The following TRPC4 variants were observed in gnomAD, a reference collection of about 807,000 sequenced individuals.
TRPC4 encodes the protein short transient receptor potential channel 4.
In TRPC4, 49 loss-of-function variants were observed where a neutral mutation model predicts 99.4. The ratio of observed to expected loss-of-function variants is 0.49; its 90% CI spans 0.39 to 0.63. TRPC4 has a LOEUF of 0.63. TRPC4 is among the 20% of genes least tolerant of loss of function. The pLI is 0.00. For missense variants in TRPC4, 898 were observed against 1,152.9 expected (o/e 0.78, Z 3.20); for synonymous variants, 454 against 425.9 (o/e 1.07, Z -0.81).
chr13:37,709,291 T>C (rs995660997), intron 3 of TRPC4, among the ~76,000 whole-genome samples: 1 of 152,004 alleles, frequency 6.6e-6, no homozygotes, highest in African/African-American at 2.4e-5. Context: ...CAGATTTCTG[T>C]TCAATACCTG....
intron 1 of TRPC4, among the ~76,000 whole-genome samples, chr13:37,844,958 G>A (rs1312255451): frequency 6.6e-6 from 1 of 152,162 alleles, no homozygotes; most frequent in Admixed American, 6.6e-5. Flanking sequence ...ACCCAGCCAT[G>A]GAAGACAACC....
chr13:37,678,670 A>G (rs73186523), intron 4 of TRPC4, among the ~76,000 whole-genome samples: 13,370 of 152,168 alleles, frequency 0.088, 811 homozygotes, highest in Middle Eastern at 0.19. Context: ...GCATTCACCC[A>G]AACATTTCAA....
At chr13:37,805,085 C>A (rs17056691) in intron 1 of TRPC4, among the ~76,000 whole-genome samples, 3,397 of 151,982 alleles carry the variant, frequency 0.022, 114 homozygotes, top group African/African-American at 0.078. Flanking sequence ...ACACATTGAC[C>A]TCTTTCTTTA....
chr13:37,840,117 A>T lies in TRPC4; in HGVS notation c.-28+29478T>A, dbSNP rs146885824. 3.9e-3 allele frequency among the ~76,000 whole-genome samples: 588 copies of T among 152,260 alleles called. 1 individual carries two copies. Among genetic ancestry groups the T allele is most frequent in the Admixed American group, 5.8e-3 (88 of 15,284 alleles). On this transcript the variant is annotated intron_variant, in intron 1 of 10. Coordinates refer to ENST00000379705, the MANE Select transcript of TRPC4 (RefSeq NM_016179.4). ...GTCAGTGGAAACTCCAGGAAGATAT[A>T]TCAAATTGAATATAATAGAGGTTGA...
chr13:37,674,768 T>C (rs939883793), intron 4 of TRPC4, among the ~76,000 whole-genome samples: 1 of 152,212 alleles, frequency 6.6e-6, no homozygotes, highest in Non-Finnish European at 1.5e-5. Context: ...TATCTAGCAA[T>C]CATAACTGGT....
intron 8 of TRPC4, among the ~76,000 whole-genome samples, chr13:37,642,763 A>C (rs575850450): frequency 1.3e-3 from 188 of 143,784 alleles, no homozygotes; most frequent in Middle Eastern, 3.8e-3. Context: ...TTGAGATAGA[A>C]TCTCACTCTG....
intron 7 of TRPC4, among the ~76,000 whole-genome samples, chr13:37,653,601 G>T (rs1306966734): frequency 6.6e-6 from 1 of 152,072 alleles, no homozygotes; most frequent in African/African-American, 2.4e-5. Flanking sequence ...TGACTCTTTG[G>T]TTCTCCATAG....
chr13:37,716,740 T>C (rs1954681046), intron 3 of TRPC4, among the ~76,000 whole-genome samples: 1 of 152,140 alleles, frequency 6.6e-6, no homozygotes, highest in African/African-American at 2.4e-5. Flanking sequence ...CTCTCTCTAC[T>C]CAAGGGCTAT....
intron 1 of TRPC4, among the ~76,000 whole-genome samples, chr13:37,805,162 T>C (rs1189601632): frequency 6.6e-6 from 1 of 152,040 alleles, no homozygotes; most frequent in Non-Finnish European, 1.5e-5. Context: ...TGAAAATGTT[T>C]TATACTATTT....
At chr13:37,744,610 G>A (rs1955685386) in intron 3 of TRPC4, among the ~76,000 whole-genome samples, 1 of 152,168 alleles carries the variant, frequency 6.6e-6, no homozygotes, top group Non-Finnish European at 1.5e-5. Context: ...TGAACCTTGA[G>A]TATTTAGTGA....
Position 37,634,331 on chromosome 13 carries a change from C to T in TRPC4, c.*2572G>A, listed in dbSNP as rs1406990678. Among the ~76,000 whole-genome samples, 3 of 152,010 alleles carry T rather than the reference C, an allele frequency of 2.0e-5. No homozygotes were observed. The highest frequency in any genetic ancestry group is 2.4e-5 in the African/African-American group (1 of 41,412). On this transcript the variant is annotated 3_prime_UTR_variant, in exon 11 of 11. Transcript: ENST00000379705. Reference sequence around the variant, plus strand: ...TCATTAATGCTACATAATGTCACTACGTATTTAGAATAGCATTCAATTCTA... The same window carrying T: ...TCATTAATGCTACATAATGTCACTATGTATTTAGAATAGCATTCAATTCTA...
At chr13:37,682,071 A>G (rs1026412119) in intron 4 of TRPC4, among the ~76,000 whole-genome samples, 1 of 152,194 alleles carries the variant, frequency 6.6e-6, no homozygotes, top group African/African-American at 2.4e-5. Context: ...AACAGCACCA[A>G]TTACATGTGA....
chr13:37,640,980 A>G (rs1951698109), intron 8 of TRPC4, among the ~76,000 whole-genome samples: 1 of 152,158 alleles, frequency 6.6e-6, no homozygotes, highest in Admixed American at 6.5e-5. Flanking sequence ...CTAAAATCCA[A>G]TGAGGAAATT....
chr13:37,687,942 T>C (rs919097607), intron 4 of TRPC4, among the ~76,000 whole-genome samples: 2 of 152,242 alleles, frequency 1.3e-5, no homozygotes, highest in African/African-American at 4.8e-5. Flanking sequence ...TGGAATTTAC[T>C]CATCTATTGA....
intron 1 of TRPC4, among the ~76,000 whole-genome samples, chr13:37,836,388 T>G (rs953594290): frequency 1.3e-5 from 2 of 152,116 alleles, no homozygotes; most frequent in Non-Finnish European, 2.9e-5. Flanking sequence ...CAGGAAAATA[T>G]GGGAAAGTTT....
chr13:37,677,707 T>C (rs1016760114), intron 4 of TRPC4, among the ~76,000 whole-genome samples: 1 of 152,130 alleles, frequency 6.6e-6, no homozygotes, highest in African/African-American at 2.4e-5. Context: ...AGTAGAATTA[T>C]AAGTGGAGGT....
chr13:37,854,507 G>A (rs1028544455), intron 1 of TRPC4, among the ~76,000 whole-genome samples: 1 of 152,062 alleles, frequency 6.6e-6, no homozygotes, highest in Admixed American at 6.5e-5. Flanking sequence ...ACTGGTAATA[G>A]TAAGCACACA....
intron 3 of TRPC4, among the ~76,000 whole-genome samples, chr13:37,710,407 C>A (rs1954441976): frequency 6.6e-6 from 1 of 151,766 alleles, no homozygotes; most frequent in Non-Finnish European, 1.5e-5. Context: ...GGTTGCTACT[C>A]CTTCCTTTTA....
intron 2 of TRPC4, among the ~76,000 whole-genome samples, chr13:37,762,990 G>T (rs1273727906): frequency 6.6e-6 from 1 of 151,396 alleles, no homozygotes; most frequent in Non-Finnish European, 1.5e-5. Context: ...CCTTTATAAG[G>T]TTTCATTTAA....
Sources: gnomAD v4.1 joint callset for allele counts (sites outside exome capture counted in the v4.1 genomes callset) on GRCh38, gnomAD v4.1.1 for gene constraint, MANE v1.5 for transcripts, NCBI Gene and HGNC (gene_info 2026-07-23, HGNC 2026-07-21) for gene names.